Variants in DHRS12 observed in about 807,000 individuals in gnomAD.
DHRS12 encodes the protein dehydrogenase/reductase 12.
In DHRS12, 29 loss-of-function variants were observed where a neutral mutation model predicts 32.1. That is an observed-to-expected ratio of 0.90 (90% CI 0.67 to 1.23). The LOEUF (loss-of-function observed/expected upper bound fraction) is 1.23, where lower values mean the gene tolerates loss of function less well. Ranked by LOEUF, DHRS12 falls within the 50% of genes most tolerant of loss-of-function variation. The pLI, the probability that DHRS12 is intolerant of heterozygous loss-of-function variation, is 0.00. For missense variants in DHRS12, 330 were observed against 337.2 expected (o/e 0.98, Z 0.17); for synonymous variants, 150 against 135.9 (o/e 1.10, Z -0.72).
chr13:51,769,255 C>A lies in DHRS12; in HGVS notation c.598G>T (p.Gly200Trp). ...TGGGCCTCGGAGCGCAGGCGGTCCC[C>A]GAACCTGGCGTGGAACCCCGGCATC... ...QAMPGFHARF[G>W]DRLRSEAQGA... The change falls in exon 8 of 9, where the codon GGG becomes TGG. Residue 200 changes from glycine to tryptophan, a missense_variant. Gly to Trp is a radical substitution (Grantham distance 184). Transcript: ENST00000444610. 3 of 1,588,212 alleles carry A rather than the reference C, an allele frequency of 1.9e-6. No homozygotes were observed. Among genetic ancestry groups the A allele is most frequent in the East Asian group, 4.6e-5 (2 of 43,694 alleles).
chr13:51,773,215 C>T (rs117965296), intron 6 of DHRS12, among the ~76,000 whole-genome samples: 2,039 of 152,280 alleles, frequency 0.013, 25 homozygotes, highest in Middle Eastern at 0.02. Context: ...TCTGCATATA[C>T]ATAACGAGAT....
At chr13:51,759,315 G>A in the DHRS12 span, among the ~76,000 whole-genome samples, 13 of 152,340 alleles carry the variant, frequency 8.5e-5, 1 homozygote, top group South Asian at 1.4e-3. Context: ...TCCAGTTAAT[G>A]GATTGAGTTA....
intron 4 of DHRS12, among the ~76,000 whole-genome samples, chr13:51,781,074 T>A (rs1274144925): frequency 6.6e-6 from 1 of 152,230 alleles, no homozygotes; most frequent in African/African-American, 2.4e-5. Flanking sequence ...AGCAGACAGC[T>A]GCACTGGTGA....
intron 3 of DHRS12, among the ~76,000 whole-genome samples, chr13:51,790,378 T>A (rs533294930): frequency 2.0e-5 from 3 of 152,252 alleles, no homozygotes; most frequent in African/African-American, 4.8e-5. Context: ...AACGGTCCAA[T>A]AGAAATATCT....
intron 6 of DHRS12, among the ~76,000 whole-genome samples, chr13:51,772,393 C>T (rs749388314): frequency 2.0e-5 from 3 of 152,030 alleles, no homozygotes; most frequent in South Asian, 2.1e-4. Context: ...CTTTGGGAGG[C>T]GGGACGATCA....
At chr13:51,776,715 C>G (rs746015640) in intron 5 of DHRS12, among the ~76,000 whole-genome samples, 2 of 152,202 alleles carry the variant, frequency 1.3e-5, no homozygotes, top group Non-Finnish European at 2.9e-5. Flanking sequence ...CCAGTCCCTT[C>G]CCCTCTGAGC....
chr13:51,778,251 G>A (rs1954540305), intron 4 of DHRS12, among the ~76,000 whole-genome samples: 1 of 152,244 alleles, frequency 6.6e-6, no homozygotes, highest in Non-Finnish European at 1.5e-5. Context: ...AAATAAAAAT[G>A]TGTGCATGTC....
chr13:51,770,947 A>G, intron 7 of DHRS12: 1 of 1,287,082 alleles, frequency 7.8e-7, no homozygotes, highest in Non-Finnish European at 9.9e-7. Flanking sequence ...TGTTTTCCCT[A>G]TCTTTATTTC....
At chr13:51,794,391 A>T (rs1052152662) in intron 2 of DHRS12, among the ~76,000 whole-genome samples, 1 of 152,214 alleles carries the variant, frequency 6.6e-6, no homozygotes, top group African/African-American at 2.4e-5. Flanking sequence ...TGTTTTGTTA[A>T]GTAGAAATCA....
intron 1 of DHRS12, 122 bp from the exon 2 acceptor site, chr13:51,799,789 GA>G (rs1377138620): frequency 1.4e-5 from 17 of 1,180,902 alleles, no homozygotes; most frequent in African/African-American, 3.1e-5. Context: ...AACACATCAC[GA>G]AACTCCTTTC....
chr13:51,770,401 T>C (rs1038127274), intron 7 of DHRS12, among the ~76,000 whole-genome samples: 8 of 152,160 alleles, frequency 5.3e-5, no homozygotes, highest in African/African-American at 1.9e-4. Context: ...GCTGGTGGGC[T>C]TGCCAAGCAG....
At chr13:51,796,667 G>A (rs201237407) in intron 2 of DHRS12, among the ~76,000 whole-genome samples, 1 of 152,180 alleles carries the variant, frequency 6.6e-6, no homozygotes, top group African/African-American at 2.4e-5. Context: ...CCTCCTGTCC[G>A]TGGCCTGAGA....
At chr13:51,791,770 C>A (rs1053791411) in intron 2 of DHRS12, among the ~76,000 whole-genome samples, 4 of 152,186 alleles carry the variant, frequency 2.6e-5, no homozygotes, top group Non-Finnish European at 5.9e-5. Context: ...TCCTTTCCCC[C>A]AGCCCCTGAC....
intron 2 of DHRS12, among the ~76,000 whole-genome samples, chr13:51,795,559 G>C (rs762139786): frequency 6.6e-6 from 1 of 152,144 alleles, no homozygotes; most frequent in Non-Finnish European, 1.5e-5. Context: ...CGCAGGGATT[G>C]ATTTCCCAGG....
chr13:51,784,393 G>C (rs117203385), intron 4 of DHRS12, among the ~76,000 whole-genome samples: 294 of 152,288 alleles, frequency 1.9e-3, no homozygotes, highest in South Asian at 3.3e-3. Context: ...GGGAGCAGCA[G>C]GACAAAAGCA....
At chr13:51,778,740 C>T (rs1954561733) in intron 4 of DHRS12, among the ~76,000 whole-genome samples, 1 of 152,070 alleles carries the variant, frequency 6.6e-6, no homozygotes, top group South Asian at 2.1e-4. Context: ...GCTCAGCTCT[C>T]ATTCCCAGTC....
At chr13:51,787,838 CAT>C (rs1482374241) in intron 4 of DHRS12, among the ~76,000 whole-genome samples, 13 of 108,030 alleles carry the variant, frequency 1.2e-4, no homozygotes, top group South Asian at 7.5e-4. Flanking sequence ...ATTATATAAA[CAT>C]ATAATATATA....
Position 51,774,030 on chromosome 13 carries a change from G to A in DHRS12, c.368C>T (p.Thr123Ile). ...AACCAACATTCCTCCTGAGGAGACG[G>A]TTATCTGCAATAAAGGTAACAGAGA... is the stretch of plus-strand genomic sequence containing the variant. Reference protein sequence around the residue: ...LEKEHDPRVITVSSGGMLVQK... With the variant: ...LEKEHDPRVIIVSSGGMLVQK... Residue 123 changes from threonine (T) to isoleucine (I), a missense_variant, in exon 6 of 9, where the codon ACC (threonine) becomes ATC (isoleucine). By Grantham distance (89) the Thr-to-Ile change is moderately conservative. Coordinates refer to ENST00000444610, the MANE Select transcript of DHRS12 (RefSeq NM_001377533.1). 6.2e-7 allele frequency: 1 copy of A among 1,613,664 alleles called. No individual in the cohort carries two copies.
intron 6 of DHRS12, among the ~76,000 whole-genome samples, chr13:51,772,336 G>C (rs1954067015): frequency 1.3e-5 from 2 of 152,150 alleles, no homozygotes; most frequent in South Asian, 4.2e-4. Flanking sequence ...TGTGTGTTCA[G>C]CTAATATGGG....
Sources: gnomAD v4.1 joint callset for allele counts (sites outside exome capture counted in the v4.1 genomes callset) on GRCh38, gnomAD v4.1.1 for gene constraint, MANE v1.5 for transcripts, NCBI Gene and HGNC (gene_info 2026-07-23, HGNC 2026-07-21) for gene names.